ABRA: variants seen among roughly 807,000 people sequenced by gnomAD.
The protein encoded by ABRA is actin-binding Rho-activating protein.
In ABRA, 25 loss-of-function variants were observed where a neutral mutation model predicts 33.4. The observed-to-expected ratio is 0.75, with a 90% CI of 0.55 to 1.04. The LOEUF is 1.04. Ranked by LOEUF, ABRA falls within the 50% of genes least tolerant of loss-of-function variation. The pLI, the probability that ABRA is intolerant of heterozygous loss-of-function variation, is 0.00. For missense variants in ABRA, 501 were observed against 491.7 expected, an observed-to-expected ratio of 1.02 and a Z score of -0.18; for synonymous variants, 193 against 176.8, an observed-to-expected ratio of 1.09 and a Z score of -0.73.
rs555063211 is a variant in ABRA at position 106,764,113 on chromosome 8, C to T, written c.669-2599G>A. On this transcript the variant is annotated intron_variant, in intron 1 of 1. Transcript: ENST00000311955. ...TATCCAGATAGCAGTTGGTTCTTTT[C>T]ACTTTTCAAAATTCTCTTATATGTT... is the stretch of plus-strand genomic sequence containing the variant. Among the ~76,000 whole-genome samples the T allele has an allele frequency of 2.6e-5, 4 of 152,254 alleles. No homozygotes were observed. The East Asian group carries it at 7.7e-4, about 29-fold the overall frequency.
At chr8:106,764,256 C>CT (rs1206307725) in intron 1 of ABRA, among the ~76,000 whole-genome samples, 6 of 152,234 alleles carry the variant, frequency 3.9e-5, no homozygotes, top group Admixed American at 3.9e-4. Flanking sequence ...TTGATGTAGC[C>CT]TTTTTTTCTT....
At position 106,761,007 on chromosome 8, in the gene ABRA, G is replaced by A. The variant is rs754367997; in HGVS notation, c.*30C>T. 7.5e-6 allele frequency: 12 copies of A among 1,590,268 alleles called. No individual in the cohort carries two copies. The East Asian group carries it at 2.0e-4, about 27-fold the overall frequency. Reference sequence around the variant, plus strand: ...GAGCATTTAGCATTAAGACCATAGTGGGCCAAATTTGGCTTTTGTTTTTGA... The same window carrying A: ...GAGCATTTAGCATTAAGACCATAGTAGGCCAAATTTGGCTTTTGTTTTTGA... On this transcript the variant is annotated 3_prime_UTR_variant, in exon 2 of 2. Transcript: ENST00000311955.
chr8:106,760,923 A>G lies in ABRA; in HGVS notation c.*114T>C, dbSNP rs1404321496. 1 of 1,001,978 alleles carries G rather than the reference A, an allele frequency of 1.0e-6. No homozygotes were observed. The highest frequency in any genetic ancestry group is 1.5e-6 in the Non-Finnish European group (1 of 670,568). 62.1% of individuals were successfully genotyped at this position (1,001,978 alleles called of 1,614,324 possible). On this transcript the variant is annotated 3_prime_UTR_variant, in exon 2 of 2. Coordinates refer to ENST00000311955, the MANE Select transcript of ABRA (RefSeq NM_139166.5). ...GAATGCCAGAAAGTCGTTTATGTAA[A>G]AATTGTTTAATATTTACTAACTTAT...
At chr8:106,768,447 A>G (rs2131633450) in intron 1 of ABRA, among the ~76,000 whole-genome samples, 1 of 152,320 alleles carries the variant, frequency 6.6e-6, no homozygotes, top group East Asian at 1.9e-4. Flanking sequence ...AATAGGACAA[A>G]CTGTTTTTGA....
At chr8:106,767,900 GC>G (rs1413625499) in intron 1 of ABRA, among the ~76,000 whole-genome samples, 1 of 152,060 alleles carries the variant, frequency 6.6e-6, no homozygotes, top group East Asian at 1.9e-4. Flanking sequence ...TTCGAGACCA[GC>G]CTGGCTAACA....
chr8:106,767,655 A>G (rs1392676454), intron 1 of ABRA, among the ~76,000 whole-genome samples: 1 of 152,252 alleles, frequency 6.6e-6, no homozygotes, highest in African/African-American at 2.4e-5. Flanking sequence ...GATTATGAGA[A>G]GTGAAGCGAC....
At chr8:106,769,202 T>C (rs1810556248) in intron 1 of ABRA, among the ~76,000 whole-genome samples, 1 of 152,250 alleles carries the variant, frequency 6.6e-6, no homozygotes, top group Admixed American at 6.5e-5. Flanking sequence ...TTACTCATTA[T>C]AGAACTGACT....
chr8:106,762,710 G>A (rs994472047), intron 1 of ABRA, among the ~76,000 whole-genome samples: 2 of 152,054 alleles, frequency 1.3e-5, no homozygotes, highest in Non-Finnish European at 2.9e-5. Context: ...AATGCATGTG[G>A]GGCTTAATAC....
chr8:106,767,621 A>C (rs1222930761), intron 1 of ABRA, among the ~76,000 whole-genome samples: 1 of 152,236 alleles, frequency 6.6e-6, no homozygotes, highest in Non-Finnish European at 1.5e-5. Context: ...CTTATCCCTG[A>C]AATGAGTGAA....
At position 106,769,697 on chromosome 8, in the gene ABRA, T is replaced by C; in HGVS notation, c.494A>G (p.Asn165Ser). 1.2e-6 allele frequency: 2 copies of C among 1,614,110 alleles called. No homozygotes were observed. The highest frequency in any genetic ancestry group is 1.7e-6 in the Non-Finnish European group (2 of 1,180,018). The change falls in exon 1 of 2, where the codon AAC (asparagine) becomes AGC (serine). Residue 165 changes from asparagine (N) to serine (S), a missense_variant. Asn to Ser is a conservative substitution (Grantham distance 46). Transcript: ENST00000311955. The stretch of plus-strand genomic sequence containing the variant: ...GCCCTTGGTTAGCTCAGACACCAGG[T>C]TGGCACATTTTCTCCTCCGCGTTGG... ...GSPTRRRKCA[N>S]LVSELTKGWR...
intron 1 of ABRA, 104 bp from the exon 2 acceptor site, chr8:106,761,618 A>T: frequency 1.1e-6 from 1 of 923,674 alleles, no homozygotes; most frequent in Non-Finnish European, 1.6e-6. Context: ...TGTAAGTATA[A>T]TTTTTTCACT....
chr8:106,761,164 T>A lies in ABRA; in HGVS notation c.1019A>T (p.Tyr340Phe), dbSNP rs752610182. Residue 340 changes from tyrosine to phenylalanine, a missense_variant, in exon 2 of 2, where the codon TAC (tyrosine) becomes TTC (phenylalanine). Transcript: ENST00000311955. The part of the protein sequence containing the change: ...QVTFGDLFDR[Y>F]VRISDKVVGI... ...CACTACTTTATCTGAAATACGAACG[T>A]ATCTGTCAAAGAGATCTCCAAAAGT... 3 of 1,614,242 alleles carry A rather than the reference T, an allele frequency of 1.9e-6. No individual in the cohort carries two copies. In the South Asian group the frequency reaches 3.3e-5, roughly 18 times the overall value.
At position 106,761,064 on chromosome 8, in the gene ABRA, G is replaced by T. The variant is rs766687730; in HGVS notation, c.1119C>A (p.Asp373Glu). 1.2e-6 allele frequency: 2 copies of T among 1,613,984 alleles called. No individual in the cohort carries two copies. The highest frequency in any genetic ancestry group is 1.7e-5 in the Admixed American group (1 of 60,016). Residue 373 changes from aspartate (D) to glutamate (E), a missense_variant, in exon 2 of 2, where the codon GAC (aspartate) becomes GAA (glutamate). Asp to Glu is a conservative substitution (Grantham distance 45). Transcript: ENST00000311955. ...ACTTGAGTAGCGTAATCACAACATG[G>T]TCATCTCGGCCTTGCCATAGCATCT... ...EGEMLWQGRD[D>E]HVVITLLK is the part of the protein sequence containing the mutation.
At position 106,760,941 on chromosome 8, in the gene ABRA, T is replaced by A; in HGVS notation, c.*96A>T. The A allele has an allele frequency of 1.8e-6, 2 of 1,097,560 alleles. No homozygotes were observed. The highest frequency in any genetic ancestry group is 3.1e-5 in the South Asian group (2 of 65,034). 68.0% of individuals were successfully genotyped at this position (1,097,560 alleles called of 1,614,324 possible). The stretch of plus-strand genomic sequence containing the variant: ...TATGTAAAAATTGTTTAATATTTAC[T>A]AACTTATTACAGAGAGTTTGCATTT... On this transcript the variant is annotated 3_prime_UTR_variant, in exon 2 of 2. Transcript: ENST00000311955.
At position 106,770,145 on chromosome 8, in the gene ABRA, C is replaced by CA. The variant is rs1238189856; in HGVS notation, c.45_46insT (p.Ala16CysfsTer24). 6.2e-7 allele frequency: 1 copy of CA among 1,612,808 alleles called. No individual in the cohort carries two copies. Among genetic ancestry groups the CA allele is most frequent in the African/African-American group, 1.3e-5 (1 of 74,886 alleles). Reference sequence around the variant, plus strand: ...GTGGCTGTGCGTATCTTCCGGAGGGCGCTCTTGGCTGGGCCCTCCCCGCTT... The same window carrying CA: ...GTGGCTGTGCGTATCTTCCGGAGGGCAGCTCTTGGCTGGGCCCTCCCCGCTT... On this transcript the variant is annotated frameshift_variant, in exon 1 of 2. Transcript: ENST00000311955. LOFTEE classifies it high-confidence loss of function.
intron 1 of ABRA, among the ~76,000 whole-genome samples, chr8:106,763,579 C>T (rs901000501): frequency 3.9e-5 from 6 of 152,182 alleles, no homozygotes; most frequent in African/African-American, 9.6e-5. Context: ...GTGGGCTGCT[C>T]AATCTCATTA....
rs1836120003 is a variant in ABRA at position 106,760,562 on chromosome 8, G to A, written c.*475C>T. On this transcript the variant is annotated 3_prime_UTR_variant, in exon 2 of 2. Transcript: ENST00000311955. ...TTCTACTGATATTTATCTCAAGTCA[G>A]CATTCTTCTTAGATGTAATGTTTAA... 6.5e-6 allele frequency: 1 copy of A among 153,146 alleles called. No homozygotes were observed. The highest frequency in any genetic ancestry group is 2.4e-5 in the African/African-American group (1 of 41,420). 9.5% of individuals were successfully genotyped at this position (153,146 alleles called of 1,614,324 possible).
At position 106,770,129 on chromosome 8, in the gene ABRA, C is replaced by T. The variant is rs543076495; in HGVS notation, c.62G>A (p.Arg21His). 2.7e-5 allele frequency: 44 copies of T among 1,613,670 alleles called. No individual in the cohort carries two copies. The highest frequency in any genetic ancestry group is 2.5e-4 in the South Asian group (23 of 91,050). Residue 21 changes from arginine (R) to histidine (H), a missense_variant, in exon 1 of 2, where the codon CGC (arginine) becomes CAC (histidine). Physicochemically the swap from Arg to His is conservative, Grantham distance 29. Coordinates refer to ENST00000311955, the MANE Select transcript of ABRA (RefSeq NM_139166.5). ...CAAGCTGATGACCAGGGTGGCTGTG[C>T]GTATCTTCCGGAGGGCGCTCTTGGC... is the stretch of plus-strand genomic sequence containing the variant. Reference protein sequence around the residue: ...GPAKSALRKIRTATLVISLAR... With the variant: ...GPAKSALRKIHTATLVISLAR...
chr8:106,768,961 A>G (rs1810548205), intron 1 of ABRA, among the ~76,000 whole-genome samples: 1 of 152,124 alleles, frequency 6.6e-6, no homozygotes, highest in Admixed American at 6.6e-5. Flanking sequence ...AAAAATGACT[A>G]GTTAGGGGCA....
Sources: gnomAD v4.1 joint callset for allele counts (sites outside exome capture counted in the v4.1 genomes callset) on GRCh38, gnomAD v4.1.1 for gene constraint, MANE v1.5 for transcripts, NCBI Gene and HGNC (gene_info 2026-07-23, HGNC 2026-07-21) for gene names.